MAGI1: variants seen among roughly 807,000 people sequenced by gnomAD.
MAGI1 encodes the protein membrane-associated guanylate kinase, WW and PDZ domain-containing protein 1.
MAGI1 carries 58 observed loss-of-function variants against 139.9 expected under a neutral mutation model. The observed-to-expected ratio is 0.41, with a 90% CI of 0.34 to 0.52. MAGI1 has a LOEUF of 0.52. MAGI1 is among the 20% of genes least tolerant of loss of function. MAGI1 has a pLI of 0.12. For synonymous variants in MAGI1, 812 were observed against 737.9 expected (o/e 1.10, Z -1.63); for missense variants, 1,874 against 1,901.6 (o/e 0.99, Z 0.27).
At chr3:65,931,832 A>G (rs1251248926) in intron 1 of MAGI1, among the ~76,000 whole-genome samples, 1 of 152,236 alleles carries the variant, frequency 6.6e-6, no homozygotes, top group Non-Finnish European at 1.5e-5. Context: ...TTGGAAACCA[A>G]TGAAAATCAC....
intron 14 of MAGI1, among the ~76,000 whole-genome samples, chr3:65,386,340 C>T (rs893767492): frequency 1.3e-5 from 2 of 151,940 alleles, no homozygotes; most frequent in African/African-American, 4.8e-5. Context: ...AAGATGCCCA[C>T]TGACACTAGG....
At chr3:65,548,679 C>A (rs1161935967) in intron 2 of MAGI1, among the ~76,000 whole-genome samples, 1 of 151,916 alleles carries the variant, frequency 6.6e-6, no homozygotes, top group Non-Finnish European at 1.5e-5. Flanking sequence ...TGCGCCACCA[C>A]GCCGGGCTAA....
At chr3:65,657,740 G>C (rs1340719625) in intron 1 of MAGI1, among the ~76,000 whole-genome samples, 1 of 152,128 alleles carries the variant, frequency 6.6e-6, no homozygotes, top group African/African-American at 2.4e-5. Context: ...AATGAAATTT[G>C]CTCCTAAGTT....
At chr3:65,862,894 G>C (rs1319690765) in intron 1 of MAGI1, among the ~76,000 whole-genome samples, 2 of 152,158 alleles carry the variant, frequency 1.3e-5, no homozygotes, top group Non-Finnish European at 2.9e-5. Flanking sequence ...TGTTATGGCA[G>C]CTAACATTAC....
At chr3:65,958,855 C>T (rs918388976) in intron 1 of MAGI1, among the ~76,000 whole-genome samples, 3 of 152,094 alleles carry the variant, frequency 2.0e-5, no homozygotes, top group African/African-American at 4.8e-5. Context: ...GGCACAGTGG[C>T]GTGTGCCTGT....
intron 1 of MAGI1, among the ~76,000 whole-genome samples, chr3:65,888,644 A>C (rs114531605): frequency 3.4e-4 from 52 of 152,350 alleles, no homozygotes; most frequent in African/African-American, 1.3e-3. Context: ...ACACAAGTAC[A>C]TACACATTTA....
At chr3:65,414,209 T>C (rs1946015987) in intron 12 of MAGI1, among the ~76,000 whole-genome samples, 1 of 152,238 alleles carries the variant, frequency 6.6e-6, no homozygotes, top group Non-Finnish European at 1.5e-5. Flanking sequence ...GCTTTTTACA[T>C]ACAAGAAACC....
At chr3:65,852,979 C>CAAA (rs57460083) in intron 1 of MAGI1, among the ~76,000 whole-genome samples, 4 of 104,234 alleles carry the variant, frequency 3.8e-5, no homozygotes, top group East Asian at 5.7e-4. Context: ...ACTAAAAATA[C>CAAA]AAAAAAAAAA....
intron 1 of MAGI1, among the ~76,000 whole-genome samples, chr3:65,705,966 C>T (rs1191692474): frequency 6.6e-6 from 1 of 152,188 alleles, no homozygotes; most frequent in Non-Finnish European, 1.5e-5. Context: ...TGGTATCATA[C>T]AAACCCAGCT....
At chr3:65,857,749 G>A (rs2059417877) in intron 1 of MAGI1, among the ~76,000 whole-genome samples, 1 of 152,204 alleles carries the variant, frequency 6.6e-6, no homozygotes, top group African/African-American at 2.4e-5. Context: ...AGGTGGTGCT[G>A]TAGTCTGCCA....
intron 1 of MAGI1, among the ~76,000 whole-genome samples, chr3:65,641,102 T>C (rs1005035121): frequency 1.3e-5 from 2 of 149,510 alleles, no homozygotes; most frequent in Admixed American, 6.6e-5. Context: ...CTAATAAGCC[T>C]ATATTAAAAA....
chr3:65,927,578 G>A (rs577554907), intron 1 of MAGI1, among the ~76,000 whole-genome samples: 7 of 152,110 alleles, frequency 4.6e-5, no homozygotes, highest in Non-Finnish European at 1.0e-4. Flanking sequence ...AAGAAATCAG[G>A]GTGCTTCTGT....
At chr3:65,393,764 A>C (rs1944135813) in intron 13 of MAGI1, among the ~76,000 whole-genome samples, 2 of 152,150 alleles carry the variant, frequency 1.3e-5, no homozygotes, top group Non-Finnish European at 2.9e-5. Context: ...CTCTGGTCTC[A>C]TCGTGTTGAA....
At chr3:65,363,757 G>A (rs78246187) in intron 20 of MAGI1, 149 bp from the exon 21 acceptor site, 387 of 649,452 alleles carry the variant, frequency 6.0e-4, no homozygotes, top group Non-Finnish European at 8.9e-4. Flanking sequence ...ATTAATCTCA[G>A]AAGTCACAGA....
intron 1 of MAGI1, among the ~76,000 whole-genome samples, chr3:65,623,544 C>G (rs1454449945): frequency 2.0e-5 from 3 of 152,044 alleles, no homozygotes; most frequent in Non-Finnish European, 4.4e-5. Context: ...CATTTTTAGA[C>G]AAGATACAAA....
At chr3:65,597,795 C>A (rs771551845) in intron 2 of MAGI1, 1 of 456,580 alleles carries the variant, frequency 2.2e-6, no homozygotes, top group Non-Finnish European at 4.4e-6. Flanking sequence ...GAGAGGAGAT[C>A]ATGGACCACT....
Position 65,884,400 on chromosome 3 carries a change from C to T in MAGI1, c.313+153596G>A, listed in dbSNP as rs1343604437. 2.0e-5 allele frequency among the ~76,000 whole-genome samples: 3 copies of T among 152,142 alleles called. No individual in the cohort carries two copies. In the East Asian group the frequency reaches 5.8e-4, roughly 29 times the overall value. On this transcript the variant is annotated intron_variant, in intron 1 of 22. Transcript: ENST00000402939. ...CGAAGGGAGAACTTGACCAAGCTCC[C>T]ATCTAGAAACACACAAGATAGGTGA...
At chr3:65,811,657 G>A (rs2041241568) in intron 1 of MAGI1, among the ~76,000 whole-genome samples, 3 of 151,086 alleles carry the variant, frequency 2.0e-5, no homozygotes, top group Middle Eastern at 6.8e-3. Context: ...CAGAGAAAGA[G>A]ATAATGTAGC....
intron 1 of MAGI1, among the ~76,000 whole-genome samples, chr3:65,749,664 A>G (rs114545172): frequency 0.013 from 1,896 of 151,276 alleles, 53 homozygotes; most frequent in African/African-American, 0.044. Context: ...TCCCCCAAAA[A>G]CCTATGGGAA....
Sources: allele counts gnomAD v4.1 joint callset (sites outside exome capture counted in the v4.1 genomes callset), GRCh38; gene constraint gnomAD v4.1.1; transcripts MANE v1.5; gene names NCBI Gene and HGNC (gene_info 2026-07-23, HGNC 2026-07-21).